The following CFAP70 variants were observed in gnomAD, a reference collection of about 807,000 sequenced individuals.
CFAP70 encodes cilia and flagella associated protein 70.
Under a neutral mutation model 137.6 loss-of-function variants are expected in CFAP70, and 81 were observed. That is an observed-to-expected ratio of 0.59 (90% CI 0.49 to 0.71). The LOEUF (loss-of-function observed/expected upper bound fraction) is 0.71. Ranked by LOEUF, CFAP70 falls within the 30% of genes least tolerant of loss-of-function variation. The pLI is 0.00. For synonymous variants in CFAP70, 382 were observed against 423.6 expected, an observed-to-expected ratio of 0.90 and a Z score of 1.20; for missense variants, 976 against 1,226.7, an observed-to-expected ratio of 0.80 and a Z score of 3.05.
chr10:73,320,334 A>AT (rs1050382420), intron 9 of CFAP70, among the ~76,000 whole-genome samples: 4 of 149,960 alleles, frequency 2.7e-5, no homozygotes, highest in African/African-American at 4.9e-5. Context: ...TTTATTTTTA[A>AT]TTTTTTTTGA....
chr10:73,269,793 T>TA lies in CFAP70; in HGVS notation c.2926-79dup, dbSNP rs2046088589. 6.5e-6 allele frequency: 5 copies of TA among 768,856 alleles called. No individual in the cohort carries two copies. The African/African-American group carries it at 6.8e-5, about 11-fold the overall frequency. The allele number at this position is 768,856 out of a possible 1,614,324, so 47.6% of individuals were successfully genotyped here. ...CAATAATACTGGTGTATATGACCTA[T>TA]ACCAATGGTTTTCAACTTTTTAATA... is the stretch of plus-strand genomic sequence containing the variant. On this transcript the variant is annotated intron_variant, in intron 24 of 26. Transcript: ENST00000310715.
chr10:73,269,451 C>T lies in CFAP70; in HGVS notation c.3027+163G>A, dbSNP rs561835460. ...TTTTTAAGCATGTTCCAAGTACAGC[C>T]TGCCCAGACTTGGCCCTTCCTTTGT... is the stretch of plus-strand genomic sequence containing the variant. On this transcript the variant is annotated intron_variant, in intron 25 of 26. Transcript: ENST00000310715. Among the ~76,000 whole-genome samples the T allele has an allele frequency of 4.9e-4, 75 of 152,332 alleles. No homozygotes were observed. The South Asian group carries it at 0.011, about 22-fold the overall frequency.
At chr10:73,300,410 TA>T (rs2048861307) in intron 12 of CFAP70, among the ~76,000 whole-genome samples, 1 of 152,202 alleles carries the variant, frequency 6.6e-6, no homozygotes, top group Non-Finnish European at 1.5e-5. Flanking sequence ...CCTCTGTTCA[TA>T]ATTACTAATT....
chr10:73,351,043 A>ATGTGTG (rs1564889478), intron 3 of CFAP70, among the ~76,000 whole-genome samples: 26 of 92,076 alleles, frequency 2.8e-4, no homozygotes, highest in African/African-American at 1.0e-3. Flanking sequence ...ATGTGTGTAT[A>ATGTGTG]TATGTGTGTG....
intron 16 of CFAP70, 72 bp from the exon 18 acceptor site, chr10:73,292,086 A>G: frequency 6.4e-7 from 1 of 1,555,054 alleles, no homozygotes; most frequent in Admixed American, 1.8e-5. Flanking sequence ...CACATGGTAA[A>G]CACTGTAAAT....
intron 8 of CFAP70, among the ~76,000 whole-genome samples, chr10:73,323,372 G>A (rs1004900494): frequency 6.0e-5 from 9 of 151,184 alleles, no homozygotes; most frequent in South Asian, 2.1e-4. Context: ...GAACAGCTCC[G>A]GTCTATAGCT....
intron 19 of CFAP70, among the ~76,000 whole-genome samples, chr10:73,290,105 A>T (rs553231117): frequency 5.2e-4 from 79 of 152,208 alleles, no homozygotes; most frequent in African/African-American, 1.9e-3. Context: ...TAATAGTTCC[A>T]AACTAAAAAC....
At chr10:73,293,454 C>A in intron 15 of CFAP70, 66 bp from the exon 17 acceptor site, 2 of 1,398,016 alleles carry the variant, frequency 1.4e-6, no homozygotes, top group South Asian at 1.5e-5. Flanking sequence ...GTTTCATAAG[C>A]ATAAATCCGA....
At chr10:73,277,636 CAAGG>C (rs1240839048) in intron 20 of CFAP70, among the ~76,000 whole-genome samples, 1 of 151,312 alleles carries the variant, frequency 6.6e-6, no homozygotes, top group Non-Finnish European at 1.5e-5. Flanking sequence ...TCACTTGAAC[CAAGG>C]AGTCAGAGGT....
Position 73,275,269 on chromosome 10 carries a change from G to T in CFAP70, c.2673+177C>A. ...GCTGCGATTACAGTTGTGAGCCACC[G>T]CGCCCAGCCAACTCATGATTACTTA... On this transcript the variant is annotated intron_variant, in intron 22 of 26. Transcript: ENST00000310715. The surrounding 1 kb of genome is among the most constrained non-coding windows in gnomAD (Gnocchi z 4.0). The T allele has an allele frequency of 1.9e-6, 1 of 535,992 alleles. No homozygotes were observed. Among genetic ancestry groups the T allele is most frequent in the Non-Finnish European group, 2.9e-6 (1 of 347,150 alleles). 33.2% of individuals were successfully genotyped at this position (535,992 alleles called of 1,614,324 possible).
intron 21 of CFAP70, chr10:73,276,320 A>G (rs1028309886): frequency 6.6e-6 from 1 of 152,146 alleles, no homozygotes; most frequent in Non-Finnish European, 1.5e-5. Flanking sequence ...AGTCGAGGGT[A>G]AATCCTTCTT....
chr10:73,325,264 T>C (rs1458909447), intron 8 of CFAP70, among the ~76,000 whole-genome samples: 3 of 152,036 alleles, frequency 2.0e-5, no homozygotes, highest in Admixed American at 1.3e-4. Flanking sequence ...AGAAATAAAA[T>C]ACTTTACAGA....
chr10:73,258,767 C>G (rs2044797101), intron 25 of CFAP70, among the ~76,000 whole-genome samples: 1 of 152,298 alleles, frequency 6.6e-6, no homozygotes, highest in African/African-American at 2.4e-5. Context: ...GGGAGTGTCT[C>G]TCTCTTATAT....
At chr10:73,274,328 T>C in intron 23 of CFAP70, 105 bp downstream of exon 24, 1 of 1,271,712 alleles carries the variant, frequency 7.9e-7, no homozygotes, top group Middle Eastern at 2.0e-4. Context: ...GATGTAAAAG[T>C]GTCATTATTA....
chr10:73,299,685 A>C lies in CFAP70; in HGVS notation c.1257-20T>G. 1 of 1,595,800 alleles carries C rather than the reference A, an allele frequency of 6.3e-7. No homozygotes were observed. Among genetic ancestry groups the C allele is most frequent in the East Asian group, 2.3e-5 (1 of 44,348 alleles). ...TTGACCCTGTATCAGGAAAGAAAAA[A>C]AATAAAAAAACAAAAAAAAATTTAT... On this transcript the variant is annotated intron_variant, in intron 12 of 26. Coordinates refer to ENST00000310715, the Ensembl canonical transcript of CFAP70.
At chr10:73,288,621 A>G (rs1589365507) in intron 19 of CFAP70, among the ~76,000 whole-genome samples, 1 of 152,098 alleles carries the variant, frequency 6.6e-6, no homozygotes, top group Admixed American at 6.6e-5. Flanking sequence ...GCCCTCCCTG[A>G]CCCCTTGGTA....
At chr10:73,299,232 G>C in intron 13 of CFAP70, 131 bp from the exon 15 acceptor site, 1 of 710,208 alleles carries the variant, frequency 1.4e-6, no homozygotes, top group Non-Finnish European at 2.2e-6. Context: ...TTGTTTTAGA[G>C]ACAAGGTCTC....
intron 8 of CFAP70, 33 bp from the exon 10 acceptor site, chr10:73,323,130 T>A (rs1193213945): frequency 6.3e-7 from 1 of 1,576,110 alleles, no homozygotes; most frequent in South Asian, 1.2e-5. Context: ...TTGTTAGTGC[T>A]ATAAGCAATG....
intron 8 of CFAP70, among the ~76,000 whole-genome samples, chr10:73,327,524 A>G (rs2051588248): frequency 6.6e-6 from 1 of 151,894 alleles, no homozygotes; most frequent in Non-Finnish European, 1.5e-5. Flanking sequence ...AGGGTATTCA[A>G]TTAGGAAAAG....
Sources: gnomAD v4.1 joint callset for allele counts (sites outside exome capture counted in the v4.1 genomes callset) on GRCh38, gnomAD v4.1.1 for gene constraint, Gnocchi (gnomAD v3.1) non-coding constraint, MANE v1.5 for transcripts, NCBI Gene and HGNC (gene_info 2026-07-23, HGNC 2026-07-21) for gene names.